Variants in UBE2E1 observed in about 807,000 individuals in gnomAD.
UBE2E1 encodes ubiquitin-conjugating enzyme E2 E1.
UBE2E1 carries 6 observed loss-of-function variants against 21.4 expected under a neutral mutation model. That is an observed-to-expected ratio of 0.28 (90% CI 0.15 to 0.55). The LOEUF (loss-of-function observed/expected upper bound fraction) is 0.55, where lower values mean the gene tolerates loss of function less well. Ranked by LOEUF, UBE2E1 falls within the 20% of genes least tolerant of loss-of-function variation. UBE2E1 has a pLI of 0.93. For missense variants in UBE2E1, 142 were observed against 236.5 expected, an observed-to-expected ratio of 0.60 and a Z score of 2.62; for synonymous variants, 87 against 82.7, an observed-to-expected ratio of 1.05 and a Z score of -0.28.
intron 3 of UBE2E1, among the ~76,000 whole-genome samples, chr3:23,880,542 T>A (rs1331930313): frequency 6.6e-6 from 1 of 152,188 alleles, no homozygotes; most frequent in Admixed American, 6.6e-5. Context: ...CCAGCCTGGG[T>A]GACACAGCAA....
Position 23,842,199 on chromosome 3 carries a change from G to GGT in UBE2E1, c.203+30689_203+30690insGT. 1.8e-5 allele frequency among the ~76,000 whole-genome samples: 1 copy of GGT among 56,268 alleles called. No homozygotes were observed. Among genetic ancestry groups the GGT allele is most frequent in the East Asian group, 3.4e-4 (1 of 2,912 alleles). The allele number at this position is 56,268 out of a possible 152,430, so 36.9% of individuals were successfully genotyped here. A position where few individuals can be genotyped will look rare whatever the true frequency, so the allele number is the denominator to read the frequency against. On this transcript the variant is annotated intron_variant, in intron 3 of 5. Coordinates refer to ENST00000306627, the MANE Select transcript of UBE2E1 (RefSeq NM_003341.5). This position sits in a 1 kb window ranked among gnomAD's most constrained non-coding sequence, Gnocchi z 4.6. Reference sequence around the variant, plus strand: ...ATGTCATGACCCAGTAAGTGAAGGGGTGTGTGTGTGTGTGTGTGTGTGTGT... The same window carrying GGT: ...ATGTCATGACCCAGTAAGTGAAGGGGGTTGTGTGTGTGTGTGTGTGTGTGTGT...
intron 3 of UBE2E1, among the ~76,000 whole-genome samples, chr3:23,843,304 C>G (rs947919648): frequency 8.5e-5 from 13 of 152,108 alleles, no homozygotes; most frequent in African/African-American, 3.1e-4. Context: ...TATTGCTTAG[C>G]ATATAATATG....
intron 3 of UBE2E1, among the ~76,000 whole-genome samples, chr3:23,854,300 G>T (rs576550232): frequency 6.6e-6 from 1 of 151,680 alleles, no homozygotes; most frequent in African/African-American, 2.4e-5. Flanking sequence ...GGTTCAGAGA[G>T]GGTATTTAAC....
At chr3:23,834,868 G>T (rs532590496) in intron 3 of UBE2E1, among the ~76,000 whole-genome samples, 1 of 152,252 alleles carries the variant, frequency 6.6e-6, no homozygotes, top group Non-Finnish European at 1.5e-5. Flanking sequence ...TGTAATGAAA[G>T]AAATCACTTT....
rs1262085703 is a variant in UBE2E1, at chr3:23,806,548, A to G, written c.-34+460A>G. On this transcript the variant is annotated intron_variant, in intron 1 of 5. Coordinates refer to ENST00000306627, the MANE Select transcript of UBE2E1 (RefSeq NM_003341.5). This position sits in a 1 kb window ranked among gnomAD's most constrained non-coding sequence, Gnocchi z 6.5. ...GCCGCAGCCCCTATCCCCCTACAGG[A>G]GTGGCGATCGGGCGTGTGCTCCGGA... Among the ~76,000 whole-genome samples the G allele has an allele frequency of 1.4e-5, 2 of 147,754 alleles. No homozygotes were observed. The highest frequency in any genetic ancestry group is 2.5e-5 in the African/African-American group (1 of 40,174).
At chr3:23,846,698 CAAAAAAAAA>C (rs10662469) in intron 3 of UBE2E1, among the ~76,000 whole-genome samples, 3 of 89,852 alleles carry the variant, frequency 3.3e-5, no homozygotes, top group African/African-American at 1.3e-4. Context: ...TCCATCTCAT[CAAAAAAAAA>C]AAAAAAAAAA....
intron 3 of UBE2E1, among the ~76,000 whole-genome samples, chr3:23,848,455 G>A (rs1198446973): frequency 6.8e-6 from 1 of 147,142 alleles, no homozygotes; most frequent in African/African-American, 2.5e-5. Context: ...GCGTAGCAGA[G>A]TGAGACTCTG....
At chr3:23,875,716 AT>A (rs1700900025) in intron 3 of UBE2E1, among the ~76,000 whole-genome samples, 1 of 152,082 alleles carries the variant, frequency 6.6e-6, no homozygotes, top group South Asian at 2.1e-4. Flanking sequence ...AGGAAGATAT[AT>A]CCCCTATTTA....
intron 3 of UBE2E1, among the ~76,000 whole-genome samples, chr3:23,852,670 G>A (rs560450893): frequency 6.6e-6 from 1 of 152,190 alleles, no homozygotes; most frequent in African/African-American, 2.4e-5. Context: ...TCTCAACTCA[G>A]TGCAGCCATG....
chr3:23,882,793 A>G lies in UBE2E1; in HGVS notation c.204-4774A>G, dbSNP rs571348574. On this transcript the variant is annotated intron_variant, in intron 3 of 5. Coordinates refer to ENST00000306627, the MANE Select transcript of UBE2E1 (RefSeq NM_003341.5). ...TGCTGGCTGGGGTGCTAAGCCCCTC[A>G]CTGCCTGGGGCCAGTGGCGCCGGCC... is the stretch of plus-strand genomic sequence containing the variant. 6.6e-5 allele frequency among the ~76,000 whole-genome samples: 10 copies of G among 152,282 alleles called. 1 individual carries two copies. The South Asian group carries it at 1.4e-3, about 22-fold the overall frequency.
chr3:23,861,402 C>CCT (rs1224372577), intron 3 of UBE2E1, among the ~76,000 whole-genome samples: 3 of 152,166 alleles, frequency 2.0e-5, no homozygotes, highest in African/African-American at 7.2e-5. Flanking sequence ...TTACCTCACT[C>CCT]CTGATACGGA....
rs951930148 is a variant in UBE2E1, at chr3:23,810,863, C to G, written c.153-597C>G. On this transcript the variant is annotated intron_variant, in intron 2 of 5. Coordinates refer to ENST00000306627, the MANE Select transcript of UBE2E1 (RefSeq NM_003341.5). This position sits in a 1 kb window ranked among gnomAD's most constrained non-coding sequence, Gnocchi z 5.8. ...CCACCGCTGGGGAGCGACCTGCGGT[C>G]TGGGCCTCCCGGGCACCCCGCCACG... 13 of 165,340 alleles carry G rather than the reference C, an allele frequency of 7.9e-5. No individual in the cohort carries two copies. Among genetic ancestry groups the G allele is most frequent in the African/African-American group, 3.1e-4 (13 of 42,052 alleles). The allele number at this position is 165,340 out of a possible 1,614,324, so 10.2% of individuals were successfully genotyped here.
chr3:23,874,611 C>G (rs1204181624), intron 3 of UBE2E1, among the ~76,000 whole-genome samples: 1 of 152,080 alleles, frequency 6.6e-6, no homozygotes. Flanking sequence ...GTCATCACCA[C>G]ACACACACAG....
chr3:23,878,348 A>G (rs1324244054), intron 3 of UBE2E1, among the ~76,000 whole-genome samples: 1 of 152,244 alleles, frequency 6.6e-6, no homozygotes, highest in Admixed American at 6.5e-5. Context: ...ATTAAAAGGT[A>G]GCGATAGTCA....
intron 3 of UBE2E1, among the ~76,000 whole-genome samples, chr3:23,840,630 C>T (rs960707739): frequency 2.0e-5 from 3 of 152,326 alleles, no homozygotes; most frequent in Admixed American, 2.0e-4. Context: ...AATGGCAATG[C>T]AAACTATTCT....
At chr3:23,850,681 G>GTTTTTTTTT (rs550418701) in intron 3 of UBE2E1, among the ~76,000 whole-genome samples, 1 of 104,320 alleles carries the variant, frequency 9.6e-6, no homozygotes, top group Non-Finnish European at 2.0e-5. Flanking sequence ...ACACCTGATT[G>GTTTTTTTTT]TTTTTTTTTT....
intron 3 of UBE2E1, among the ~76,000 whole-genome samples, chr3:23,860,744 A>G (rs1310636586): frequency 6.6e-6 from 1 of 152,230 alleles, no homozygotes; most frequent in Non-Finnish European, 1.5e-5. Context: ...TTTAAAGAAT[A>G]TGAAGCCTTA....
At chr3:23,847,888 C>G (rs778849864) in intron 3 of UBE2E1, among the ~76,000 whole-genome samples, 11 of 152,072 alleles carry the variant, frequency 7.2e-5, no homozygotes, top group Non-Finnish European at 1.0e-4. Context: ...ATTTCCAGCC[C>G]CAAAGGCAAT....
Position 23,808,577 on chromosome 3 carries a change from A to G in UBE2E1, c.152+1156A>G, listed in dbSNP as rs1329738919. On this transcript the variant is annotated intron_variant, in intron 2 of 5. Coordinates refer to ENST00000306627, the MANE Select transcript of UBE2E1 (RefSeq NM_003341.5). This position sits in a 1 kb window ranked among gnomAD's most constrained non-coding sequence, Gnocchi z 4.9. ...TCATTCTCCCTGACTTGTAATTTGA[A>G]AACTTGGCAGTGTTTTGGTGACCTA... is the stretch of plus-strand genomic sequence containing the variant. 2 of 152,146 alleles carry G rather than the reference A, an allele frequency of 1.3e-5. No homozygotes were observed. Among genetic ancestry groups the G allele is most frequent in the African/African-American group, 4.8e-5 (2 of 41,374 alleles). 9.4% of individuals were successfully genotyped at this position (152,146 alleles called of 1,614,324 possible). A position where few individuals can be genotyped will look rare whatever the true frequency, so the allele number is the denominator to read the frequency against.
Sources: gnomAD v4.1 joint callset for allele counts (sites outside exome capture counted in the v4.1 genomes callset) on GRCh38, gnomAD v4.1.1 for gene constraint, Gnocchi (gnomAD v3.1) non-coding constraint, MANE v1.5 for transcripts, NCBI Gene and HGNC (gene_info 2026-07-23, HGNC 2026-07-21) for gene names.